The following ZNF143 variants were observed in gnomAD, a reference collection of about 807,000 sequenced individuals.
ZNF143 encodes SPH-binding factor.
In ZNF143, 49 loss-of-function variants were observed where a neutral mutation model predicts 74.1. The ratio of observed to expected loss-of-function variants is 0.66; its 90% CI spans 0.53 to 0.84. ZNF143 has a LOEUF of 0.84. ZNF143 is among the 40% of genes least tolerant of loss of function. The pLI is 0.00. For missense variants in ZNF143, 637 were observed against 793.4 expected (o/e 0.80, Z 2.37); for synonymous variants, 304 against 282.8 (o/e 1.07, Z -0.75).
chr11:9,509,332 G>C (rs1337159724), intron 12 of ZNF143, among the ~76,000 whole-genome samples: 2 of 152,178 alleles, frequency 1.3e-5, no homozygotes, highest in Non-Finnish European at 2.9e-5. Context: ...AAGCATGTTG[G>C]TCTTAATCGT....
intron 8 of ZNF143, 146 bp from the exon 9 acceptor site, chr11:9,496,157 A>G (rs532356852): frequency 4.6e-6 from 3 of 659,064 alleles, no homozygotes; most frequent in South Asian, 3.7e-5. Context: ...CTATTGGGCT[A>G]TCGTTTTTGT....
intron 10 of ZNF143, among the ~76,000 whole-genome samples, chr11:9,500,830 T>C (rs186858041): frequency 1.1e-4 from 17 of 152,338 alleles, no homozygotes; most frequent in African/African-American, 3.8e-4. Context: ...AGCTCATTTT[T>C]TGCCTACCTG....
At chr11:9,488,559 CT>C (rs757229722) in intron 7 of ZNF143, among the ~76,000 whole-genome samples, 8 of 152,280 alleles carry the variant, frequency 5.3e-5, no homozygotes, top group African/African-American at 9.6e-5. Context: ...AATTTCACCC[CT>C]AGACAGCTTG....
intron 1 of ZNF143, among the ~76,000 whole-genome samples, chr11:9,466,880 G>GT (rs145610313): frequency 0.11 from 16,048 of 150,250 alleles, 1,076 homozygotes; most frequent in Non-Finnish European, 0.15. Flanking sequence ...TAATACTCTG[G>GT]TTTTTTTTTG....
At chr11:9,527,419 G>T in intron 15 of ZNF143, 111 bp from the exon 16 acceptor site, 1 of 938,664 alleles carries the variant, frequency 1.1e-6, no homozygotes. Context: ...ACAATCCCAA[G>T]TGTCAGAATT....
intron 15 of ZNF143, 116 bp from the exon 16 acceptor site, chr11:9,527,414 C>T: frequency 1.1e-6 from 1 of 901,170 alleles, no homozygotes; most frequent in Non-Finnish European, 1.8e-6. Flanking sequence ...TTTTAACAAT[C>T]CCAAGTGTCA....
rs1348998088 is a variant in ZNF143 at position 9,472,787 on chromosome 11, G to A, written c.205+18G>A. 9 of 1,528,378 alleles carry A rather than the reference G, an allele frequency of 5.9e-6. No individual in the cohort carries two copies. The highest frequency in any genetic ancestry group is 7.0e-6 in the Non-Finnish European group (8 of 1,140,188). The allele number at this position is 1,528,378 out of a possible 1,614,324, so 94.7% of individuals were successfully genotyped here. On this transcript the variant is annotated intron_variant, in intron 3 of 15. Coordinates refer to ENST00000396602, the MANE Select transcript of ZNF143 (RefSeq NM_003442.6). ...TTCTAAAGGTATGTGCCTCACATAT[G>A]GCTGATTGGTTAATACCAGTGATTT... is the stretch of plus-strand genomic sequence containing the variant.
intron 14 of ZNF143, among the ~76,000 whole-genome samples, chr11:9,522,113 G>A (rs888861262): frequency 4.0e-5 from 6 of 150,920 alleles, no homozygotes; most frequent in African/African-American, 7.3e-5. Flanking sequence ...AATTCTTAGA[G>A]GAAAATTTCT....
chr11:9,520,293 C>G (rs545182704), intron 14 of ZNF143, among the ~76,000 whole-genome samples: 33 of 149,960 alleles, frequency 2.2e-4, no homozygotes, highest in African/African-American at 8.1e-4. Context: ...GCCTCGGCTT[C>G]CCAAAGTGCT....
intron 7 of ZNF143, 152 bp from the exon 8 acceptor site, chr11:9,494,494 A>G (rs1847890880): frequency 3.1e-6 from 2 of 651,922 alleles, no homozygotes; most frequent in Non-Finnish European, 5.1e-6. Flanking sequence ...TTTGTTGTAT[A>G]GAGACAGGGT....
chr11:9,498,113 A>G (rs1232769844), intron 10 of ZNF143, among the ~76,000 whole-genome samples: 2 of 152,242 alleles, frequency 1.3e-5, no homozygotes, highest in Non-Finnish European at 2.9e-5. Flanking sequence ...TACAGGCGTG[A>G]GCCACCGCGC....
chr11:9,469,450 T>C (rs1360513381), intron 1 of ZNF143, among the ~76,000 whole-genome samples: 1 of 152,038 alleles, frequency 6.6e-6, no homozygotes, highest in Non-Finnish European at 1.5e-5. Context: ...CAGGCTGATA[T>C]GGAACTCCTG....
At chr11:9,498,093 G>A (rs1308898808) in intron 10 of ZNF143, among the ~76,000 whole-genome samples, 1 of 152,232 alleles carries the variant, frequency 6.6e-6, no homozygotes, top group Non-Finnish European at 1.5e-5. Context: ...GCCTCCCAAA[G>A]TGCTGCGATT....
chr11:9,527,753 A>G lies in ZNF143; in HGVS notation c.*140A>G, dbSNP rs1283914197. The G allele has an allele frequency of 4.3e-6, 3 of 693,038 alleles. No homozygotes were observed. Among genetic ancestry groups the G allele is most frequent in the African/African-American group, 3.6e-5 (2 of 55,614 alleles). The allele number at this position is 693,038 out of a possible 1,614,324, so 42.9% of individuals were successfully genotyped here. On this transcript the variant is annotated 3_prime_UTR_variant, in exon 16 of 16. Transcript: ENST00000396602. ...ACATTTTTATGCGAGAGTGGAGAAC[A>G]TTTTATTCTTGACACTTTTGTGTAT...
At chr11:9,486,444 A>ATTT (rs1216191947) in intron 7 of ZNF143, among the ~76,000 whole-genome samples, 1 of 39,350 alleles carries the variant, frequency 2.5e-5, no homozygotes, top group Admixed American at 4.9e-4. Context: ...TATATAATAT[A>ATTT]TTATATATAT....
At chr11:9,475,769 T>A (rs1402673081) in intron 5 of ZNF143, among the ~76,000 whole-genome samples, 1 of 152,066 alleles carries the variant, frequency 6.6e-6, no homozygotes, top group Non-Finnish European at 1.5e-5. Context: ...TGGTAGTGCA[T>A]GCCTTCAATC....
chr11:9,523,516 G>A (rs11042406), intron 14 of ZNF143, among the ~76,000 whole-genome samples: 2,784 of 144,846 alleles, frequency 0.019, 98 homozygotes, highest in African/African-American at 0.067. Flanking sequence ...GGCGGATCAC[G>A]AGGTCAGGAG....
intron 12 of ZNF143, 109 bp from the exon 13 acceptor site, chr11:9,512,339 A>C: frequency 2.2e-6 from 3 of 1,387,186 alleles, no homozygotes; most frequent in Non-Finnish European, 2.9e-6. Context: ...CTTAGAATAT[A>C]ATACATGTAC....
chr11:9,523,596 T>C (rs1180338848), intron 14 of ZNF143, among the ~76,000 whole-genome samples: 3 of 150,978 alleles, frequency 2.0e-5, no homozygotes, highest in African/African-American at 4.9e-5. Flanking sequence ...TAGCTGGGCG[T>C]GATGGCGGGC....
Sources: allele counts gnomAD v4.1 joint callset (sites outside exome capture counted in the v4.1 genomes callset), GRCh38; gene constraint gnomAD v4.1.1; transcripts MANE v1.5; gene names NCBI Gene and HGNC (gene_info 2026-07-23, HGNC 2026-07-21).